The following SLC12A5 variants were observed in gnomAD, a reference collection of about 807,000 sequenced individuals.
The protein encoded by SLC12A5 is K-Cl cotransporter 2.
In SLC12A5, 18 loss-of-function variants were observed where a neutral mutation model predicts 124.0. The ratio of observed to expected loss-of-function variants is 0.15; its 90% CI spans 0.10 to 0.22. The LOEUF (loss-of-function observed/expected upper bound fraction) is 0.22, where lower values mean the gene tolerates loss of function less well. Among genes scored for constraint, SLC12A5 ranks in the 10% least tolerant of loss-of-function variants. SLC12A5 has a pLI of 1.00. For missense variants in SLC12A5, 867 were observed against 1,478.7 expected (o/e 0.59, Z 6.78); for synonymous variants, 589 against 568.0 (o/e 1.04, Z -0.53).
rs1358161315 is a variant in SLC12A5 at position 46,035,845 on chromosome 20, C to A, written c.348C>A (p.Leu116=). 3.1e-6 allele frequency: 5 copies of A among 1,614,054 alleles called. No individual in the cohort carries two copies. Among genetic ancestry groups the A allele is most frequent in the East Asian group, 4.5e-5 (2 of 44,908 alleles). The part of the protein sequence containing the change: ...PCLQNIFGVI[L]FLRLTWVVGI... ...TGCAGAACATCTTTGGCGTCATCCT[C>A]TTCCTGCGGCTCACCTGGGTGGTGG... is the stretch of plus-strand genomic sequence containing the variant. The change falls in exon 4 of 26, where the codon CTC becomes CTA. Residue 116 remains leucine, a synonymous_variant. Coordinates refer to ENST00000243964, the MANE Select transcript of SLC12A5 (RefSeq NM_020708.5).
In SLC12A5 at chr20:46,058,913, G is replaced by T; in HGVS notation, c.*1308G>T. ...CTGCTTAGCAGCGGCCTCTAGCTCC[G>T]TCTCCCGGGGACCTGGGCCTGAGGG... On this transcript the variant is annotated 3_prime_UTR_variant, in exon 26 of 26. Transcript: ENST00000243964. This position sits in a 1 kb window ranked among gnomAD's most constrained non-coding sequence, Gnocchi z 5.8. The T allele has an allele frequency of 2.5e-6, 1 of 395,872 alleles. No individual in the cohort carries two copies. 24.5% of individuals were successfully genotyped at this position (395,872 alleles called of 1,614,324 possible).
chr20:46,030,701 T>C (rs1346801365), intron 1 of SLC12A5, among the ~76,000 whole-genome samples: 2 of 152,158 alleles, frequency 1.3e-5, no homozygotes. Flanking sequence ...TTCTAGGGAT[T>C]GGCAACCTTG....
upstream of SLC12A5, chr20:46,029,117 C>T (rs1173547041): frequency 5.2e-6 from 7 of 1,350,220 alleles, no homozygotes; most frequent in Non-Finnish European, 6.6e-6. Context: ...ACGCCTCCTG[C>T]ATACGGGATG....
At chr20:46,044,082 T>C in intron 11 of SLC12A5, 149 bp downstream of exon 11, 1 of 646,070 alleles carries the variant, frequency 1.5e-6, no homozygotes, top group Non-Finnish European at 2.6e-6. Context: ...GTCATCTTCT[T>C]ATATTTCATC....
At position 46,040,614 on chromosome 20, in the gene SLC12A5, C is replaced by G; in HGVS notation, c.854C>G (p.Pro285Arg). ...IKSAFDPPNF[P>R]ICLLGNRTLS... is the part of the protein sequence containing the mutation. The stretch of plus-strand genomic sequence containing the variant: ...TCTGCCTTCGACCCACCCAACTTCC[C>G]GTGAGTGCTGCTGCTCTGAGCCCAA... The change falls in exon 7 of 26, where the codon CCG becomes CGG. Residue 285 changes from proline (P) to arginine (R), a missense_variant and splice_region_variant. Transcript: ENST00000243964. The G allele has an allele frequency of 6.2e-7, 1 of 1,613,968 alleles. No homozygotes were observed. Among genetic ancestry groups the G allele is most frequent in the Non-Finnish European group, 8.5e-7 (1 of 1,179,878 alleles).
At position 46,029,398 on chromosome 20, in the gene SLC12A5, T is replaced by A; in HGVS notation, c.52+2T>A. 1 of 1,540,946 alleles carries A rather than the reference T, an allele frequency of 6.5e-7. No individual in the cohort carries two copies. The highest frequency in any genetic ancestry group is 8.8e-7 in the Non-Finnish European group (1 of 1,141,954). ...ACGGCGATGGGGGAGCCAACCCGGGTAAGCTGTGGTCCGGGGGCGGCGGGG... is the reference window on the plus strand; with the variant it reads ...ACGGCGATGGGGGAGCCAACCCGGGAAAGCTGTGGTCCGGGGGCGGCGGGG... On this transcript the variant is annotated splice_donor_variant, in intron 1 of 25. Coordinates refer to ENST00000243964, the MANE Select transcript of SLC12A5 (RefSeq NM_020708.5). LOFTEE classifies it high-confidence loss of function.
rs908015402 is a variant in SLC12A5, at chr20:46,058,618, A to G, written c.*1013A>G. On this transcript the variant is annotated 3_prime_UTR_variant, in exon 26 of 26. Coordinates refer to ENST00000243964, the MANE Select transcript of SLC12A5 (RefSeq NM_020708.5). The surrounding 1 kb of genome is among the most constrained non-coding windows in gnomAD (Gnocchi z 5.8). Reference sequence around the variant, plus strand: ...CGCCCCGGTGCCTTCGCTGGGGAGCAGGCGTCTCTCCTCAGTCGGCTTGTC... The same window carrying G: ...CGCCCCGGTGCCTTCGCTGGGGAGCGGGCGTCTCTCCTCAGTCGGCTTGTC... 1 of 398,708 alleles carries G rather than the reference A, an allele frequency of 2.5e-6. No individual in the cohort carries two copies. The highest frequency in any genetic ancestry group is 2.1e-5 in the African/African-American group (1 of 48,494). The allele number at this position is 398,708 out of a possible 1,614,324, so 24.7% of individuals were successfully genotyped here. A position where few individuals can be genotyped will look rare whatever the true frequency, so the allele number is the denominator to read the frequency against.
In SLC12A5 at chr20:46,045,039, G is replaced by A. The variant is rs1048863834; in HGVS notation, c.1468G>A (p.Gly490Arg). The change falls in exon 12 of 26, where the codon GGA (glycine) becomes AGA (arginine). Residue 490 changes from glycine to arginine, a missense_variant. This residue lies in a region of SLC12A5 where 152 missense variants were observed against 358.7 expected (regional missense o/e 0.42). Coordinates refer to ENST00000243964, the MANE Select transcript of SLC12A5 (RefSeq NM_020708.5). This position sits in a 1 kb window ranked among gnomAD's most constrained non-coding sequence, Gnocchi z 4.9. ...GCCATCTCCATGGGTAATTGTCATCGGATCCTTCTTCTCCACCTGTGGGGC... is the reference window on the plus strand; with the variant it reads ...GCCATCTCCATGGGTAATTGTCATCAGATCCTTCTTCTCCACCTGTGGGGC... ...AWPSPWVIVI[G>R]SFFSTCGAGL... is the part of the protein sequence containing the mutation. 1.2e-6 allele frequency: 2 copies of A among 1,614,072 alleles called. No individual in the cohort carries two copies. Among genetic ancestry groups the A allele is most frequent in the African/African-American group, 1.3e-5 (1 of 75,038 alleles).
intron 1 of SLC12A5, among the ~76,000 whole-genome samples, chr20:46,034,545 C>T (rs904909864): frequency 6.6e-6 from 1 of 152,216 alleles, no homozygotes; most frequent in South Asian, 2.1e-4. Context: ...GGGGTCACTT[C>T]TTCAAGAAGT....
chr20:46,051,782 C>CG lies in SLC12A5; in HGVS notation c.2295dup (p.Leu766AlafsTer28). The CG allele has an allele frequency of 6.2e-7, 1 of 1,606,664 alleles. No homozygotes were observed. The highest frequency in any genetic ancestry group is 2.3e-5 in the East Asian group (1 of 44,094). ...CCCATCTGATCCAGTCCGGGGGCCTCGGGGGGCTGCAGCACAACACTGTGC... is the reference window on the plus strand; with the variant it reads ...CCCATCTGATCCAGTCCGGGGGCCTCGGGGGGGCTGCAGCACAACACTGTGC... On this transcript the variant is annotated frameshift_variant, in exon 18 of 26. Transcript: ENST00000243964. LOFTEE classifies it high-confidence loss of function.
At chr20:46,052,192 C>G (rs1185373532) in intron 18 of SLC12A5, among the ~76,000 whole-genome samples, 2 of 152,206 alleles carry the variant, frequency 1.3e-5, no homozygotes, top group African/African-American at 4.8e-5. Flanking sequence ...CTGGTCCTTC[C>G]TAGCTGTGTG....
intron 1 of SLC12A5, among the ~76,000 whole-genome samples, chr20:46,029,641 G>C (rs2084428195): frequency 6.6e-6 from 1 of 152,170 alleles, no homozygotes; most frequent in Non-Finnish European, 1.5e-5. Context: ...CCACGGCTTC[G>C]GGCTGACTTG....
intron 17 of SLC12A5, among the ~76,000 whole-genome samples, chr20:46,050,049 T>A (rs1445151059): frequency 6.6e-6 from 1 of 152,256 alleles, no homozygotes; most frequent in African/African-American, 2.4e-5. Flanking sequence ...TCAGGTCATA[T>A]GTCTAAGGAC....
In SLC12A5 at chr20:46,051,785, G is replaced by A. The variant is rs79522550; in HGVS notation, c.2292G>A (p.Gly764=). 1 of 1,608,894 alleles carries A rather than the reference G, an allele frequency of 6.2e-7. No homozygotes were observed. Among genetic ancestry groups the A allele is most frequent in the Non-Finnish European group, 8.5e-7 (1 of 1,177,858 alleles). Residue 764 remains glycine (G), a synonymous_variant, in exon 18 of 26, where the codon GGG becomes GGA. Transcript: ENST00000243964. ...VSHLIQSGGL[G]GLQHNTVLVG... is the part of the protein sequence containing the mutation. ...ATCTGATCCAGTCCGGGGGCCTCGG[G>A]GGGCTGCAGCACAACACTGTGCTTG... is the stretch of plus-strand genomic sequence containing the variant.
chr20:46,053,589 G>A lies in SLC12A5; in HGVS notation c.2559G>A (p.Lys853=). 5 of 1,613,980 alleles carry A rather than the reference G, an allele frequency of 3.1e-6. No homozygotes were observed. The highest frequency in any genetic ancestry group is 1.3e-5 in the African/African-American group (1 of 75,058). The change falls in exon 20 of 26, where the codon AAG becomes AAA. Residue 853 remains lysine (K), a synonymous_variant. Coordinates refer to ENST00000243964, the MANE Select transcript of SLC12A5 (RefSeq NM_020708.5). The surrounding 1 kb of genome is among the most constrained non-coding windows in gnomAD (Gnocchi z 4.7). ...FLLRHHKVWR[K]CKMRIFTVAQ... is the part of the protein sequence containing the mutation. ...TTCATCGCCTGCAGGTCTGGCGGAA[G>A]TGCAAGATGCGTATCTTCACTGTGG...
At chr20:46,024,633 G>T (rs897631501), upstream of SLC12A5, among the ~76,000 whole-genome samples, 2 of 152,242 alleles carry the variant, frequency 1.3e-5, no homozygotes, top group Admixed American at 1.3e-4. Flanking sequence ...TGGGCCAAAT[G>T]AGTGGGGTTT....
chr20:46,057,076 C>T lies in SLC12A5; in HGVS notation c.3126-94C>T, dbSNP rs539986367. The stretch of plus-strand genomic sequence containing the variant: ...TGGTCCTAGGCTTGCAAGAACCAGT[C>T]CCCAGCAGCCCAGTTCGGGCTGGAA... On this transcript the variant is annotated intron_variant, in intron 24 of 25. Transcript: ENST00000243964. The surrounding 1 kb of genome is among the most constrained non-coding windows in gnomAD (Gnocchi z 7.1). 1.8e-4 allele frequency: 288 copies of T among 1,597,324 alleles called. No individual in the cohort carries two copies. In the African/African-American group the frequency reaches 3.1e-3, roughly 17 times the overall value.
intron 1 of SLC12A5, among the ~76,000 whole-genome samples, chr20:46,032,417 A>G (rs2084462238): frequency 6.6e-6 from 1 of 152,222 alleles, no homozygotes; most frequent in Admixed American, 6.5e-5. Context: ...AGGAGACAGG[A>G]CCCCAAAATC....
At position 46,050,714 on chromosome 20, in the gene SLC12A5, G is replaced by C. The variant is rs769496173; in HGVS notation, c.2181+924G>C. Among the ~76,000 whole-genome samples, 3 of 152,248 alleles carry C rather than the reference G, an allele frequency of 2.0e-5. No homozygotes were observed. The East Asian group carries it at 5.8e-4, about 29-fold the overall frequency. ...TGCACCAGGCACTGGGCGAGGCACA[G>C]GGGAGATGGAGATGTTCAAGACCAA... is the stretch of plus-strand genomic sequence containing the variant. On this transcript the variant is annotated intron_variant, in intron 17 of 25. Transcript: ENST00000243964.
Sources: allele counts gnomAD v4.1 joint callset (sites outside exome capture counted in the v4.1 genomes callset), GRCh38; gene constraint gnomAD v4.1.1; regional missense constraint gnomAD v4.1.1; non-coding constraint Gnocchi (gnomAD v3.1); transcripts MANE v1.5; gene names NCBI Gene and HGNC (gene_info 2026-07-23, HGNC 2026-07-21).